The following USP28 variants were observed in gnomAD, a reference collection of about 807,000 sequenced individuals.
USP28 encodes ubiquitin specific peptidase 28, also known as ubiquitin carboxyl-terminal hydrolase 28.
USP28 carries 113 observed loss-of-function variants against 145.0 expected under a neutral mutation model. The observed-to-expected ratio is 0.78, with a 90% confidence interval of 0.67 to 0.91. USP28 has a LOEUF of 0.91. Among genes scored for constraint, USP28 ranks in the 40% least tolerant of loss-of-function variants. The pLI is 0.00. For synonymous variants in USP28, 447 were observed against 450.9 expected, an observed-to-expected ratio of 0.99 and a Z score of 0.11; for missense variants, 1,201 against 1,289.6, an observed-to-expected ratio of 0.93 and a Z score of 1.05.
chr11:113,844,815 G>C (rs1278094595), intron 3 of USP28, among the ~76,000 whole-genome samples: 1 of 152,048 alleles, frequency 6.6e-6, no homozygotes, highest in East Asian at 1.9e-4. Flanking sequence ...TTTTAAGATG[G>C]TGCAACTGGC....
At chr11:113,868,520 G>T (rs1471153667) in intron 1 of USP28, among the ~76,000 whole-genome samples, 1 of 152,162 alleles carries the variant, frequency 6.6e-6, no homozygotes, top group Non-Finnish European at 1.5e-5. Context: ...AGTCAGAATG[G>T]CTTGAAGTCA....
rs550263885 is a variant in USP28, at chr11:113,806,532, C to T, written c.2357G>A (p.Arg786His). 1.7e-5 allele frequency: 28 copies of T among 1,607,518 alleles called. 1 individual carries two copies. In the East Asian group the frequency reaches 2.0e-4, roughly 12 times the overall value. Reference sequence around the variant, plus strand: ...AGACCCATCTCGGTCAAAGGTCTGACGGGCTTTAGCTATGGCCAGGATGAC... The same window carrying T: ...AGACCCATCTCGGTCAAAGGTCTGATGGGCTTTAGCTATGGCCAGGATGAC... Residue 786 changes from arginine to histidine, a missense_variant, in exon 19 of 25, where the codon CGT becomes CAT. By Grantham distance (29) the Arg-to-His change is conservative. Coordinates refer to ENST00000003302, the Ensembl canonical transcript of USP28.
intron 16 of USP28, among the ~76,000 whole-genome samples, chr11:113,810,977 T>C (rs1591518887): frequency 6.6e-6 from 1 of 152,212 alleles, no homozygotes; most frequent in East Asian, 1.9e-4. Context: ...GCCGGGGCGA[T>C]GTTTCCTTAC....
intron 19 of USP28, among the ~76,000 whole-genome samples, chr11:113,805,986 TG>T (rs1939884318): frequency 6.6e-6 from 1 of 152,090 alleles, no homozygotes; most frequent in African/African-American, 2.4e-5. Context: ...TGGAATGCAG[TG>T]GCACAATCAT....
chr11:113,846,443 T>A (rs1945856756), intron 3 of USP28, among the ~76,000 whole-genome samples: 1 of 152,144 alleles, frequency 6.6e-6, no homozygotes, highest in Admixed American at 6.5e-5. Context: ...TAAGTCCACT[T>A]ATATGAAGTA....
At chr11:113,822,069 T>G (rs1942688436) in intron 12 of USP28, among the ~76,000 whole-genome samples, 1 of 152,240 alleles carries the variant, frequency 6.6e-6, no homozygotes, top group Non-Finnish European at 1.5e-5. Context: ...TGTTGTCTCC[T>G]GGTAAATTGG....
chr11:113,815,056 G>T, intron 14 of USP28, 118 bp downstream of exon 14: 1 of 891,794 alleles, frequency 1.1e-6, no homozygotes, highest in Non-Finnish European at 1.7e-6. Flanking sequence ...CATCTCGGCG[G>T]GGGGGAAATT....
At chr11:113,826,599 G>A (rs1196416768) in intron 11 of USP28, among the ~76,000 whole-genome samples, 1 of 151,646 alleles carries the variant, frequency 6.6e-6, no homozygotes, top group Non-Finnish European at 1.5e-5. Flanking sequence ...GAGCCACCAT[G>A]CCTGGTCTCA....
At chr11:113,806,286 G>A (rs1939942558) in intron 19 of USP28, among the ~76,000 whole-genome samples, 2 of 152,128 alleles carry the variant, frequency 1.3e-5, no homozygotes, top group South Asian at 4.2e-4. Flanking sequence ...CCAGGCTGGA[G>A]TGCAGTGGTG....
At chr11:113,823,457 G>A in intron 12 of USP28, 148 bp downstream of exon 12, 2 of 632,376 alleles carry the variant, frequency 3.2e-6, no homozygotes, top group South Asian at 2.1e-5. Context: ...CCTGAAGACT[G>A]CTTCACACTT....
chr11:113,805,696 T>A (rs1473631555), intron 19 of USP28, among the ~76,000 whole-genome samples: 1 of 152,234 alleles, frequency 6.6e-6, no homozygotes, highest in Non-Finnish European at 1.5e-5. Context: ...TTTACTCAAG[T>A]ATTTTTAAAA....
chr11:113,813,830 T>C (rs767031936), intron 15 of USP28, 55 bp downstream of exon 15: 1 of 1,410,120 alleles, frequency 7.1e-7, no homozygotes, highest in East Asian at 2.3e-5. Flanking sequence ...AATTTGATTT[T>C]TGTATCTACC....
In USP28 at chr11:113,829,471, C is replaced by T. The variant is rs187144259; in HGVS notation, c.911-126G>A. 6.8e-4 allele frequency: 794 copies of T among 1,171,584 alleles called. 1 individual carries two copies. The highest frequency in any genetic ancestry group is 5.4e-4 in the Non-Finnish European group (454 of 837,476). The allele number at this position is 1,171,584 out of a possible 1,614,324, so 72.6% of individuals were successfully genotyped here. A position where few individuals can be genotyped will look rare whatever the true frequency, so the allele number is the denominator to read the frequency against. On this transcript the variant is annotated intron_variant, in intron 9 of 24. Transcript: ENST00000003302. ...TGATAGCTGGTTAGAAATGCACTTA[C>T]GCCTTTATAGCAACCTCTAGTGAGC...
exon 23 of USP28, chr11:113,803,210 C>T (rs772711679): frequency 8.1e-6 from 13 of 1,613,928 alleles, no homozygotes; most frequent in African/African-American, 2.7e-5. Context: ...GACCCCCCGG[C>T]GGGGCCCCTT....
At chr11:113,834,196 T>C in intron 6 of USP28, 53 bp downstream of exon 6, 1 of 1,396,952 alleles carries the variant, frequency 7.2e-7, no homozygotes, top group Non-Finnish European at 1.0e-6. Flanking sequence ...CTAGAAGCCT[T>C]AGGGATGAAA....
chr11:113,838,249 TTCTC>T (rs758296181), intron 5 of USP28, among the ~76,000 whole-genome samples: 4 of 152,128 alleles, frequency 2.6e-5, no homozygotes, highest in African/African-American at 4.8e-5. Flanking sequence ...AGCATTATCT[TTCTC>T]TCTCTCTATC....
At chr11:113,827,914 A>C (rs917001148) in intron 10 of USP28, among the ~76,000 whole-genome samples, 7 of 152,338 alleles carry the variant, frequency 4.6e-5, no homozygotes, top group Middle Eastern at 3.4e-3. Flanking sequence ...ACAATTTCTC[A>C]ATTTCTAAGA....
chr11:113,843,286 A>G (rs1273228272), intron 3 of USP28, among the ~76,000 whole-genome samples: 1 of 152,134 alleles, frequency 6.6e-6, no homozygotes, highest in Non-Finnish European at 1.5e-5. Flanking sequence ...ATTCATGGAT[A>G]ATAATCACCT....
chr11:113,833,940 T>C (rs1944298708), intron 6 of USP28, among the ~76,000 whole-genome samples: 1 of 152,182 alleles, frequency 6.6e-6, no homozygotes, highest in African/African-American at 2.4e-5. Context: ...CATCAGGGCA[T>C]CTCTCCAGCA....
Sources: allele counts gnomAD v4.1 joint callset (sites outside exome capture counted in the v4.1 genomes callset), GRCh38; gene constraint gnomAD v4.1.1; transcripts MANE v1.5; gene names NCBI Gene and HGNC (gene_info 2026-07-23, HGNC 2026-07-21).